The following CDC42 variants were observed in gnomAD, a reference collection of about 807,000 sequenced individuals.
CDC42 encodes cell division cycle 42, also known as cell division control protein 42 homolog.
Under a neutral mutation model 20.8 loss-of-function variants are expected in CDC42, and 1 was observed. The observed-to-expected ratio is 0.05, with a 90% CI of 0.02 to 0.23. CDC42 has a LOEUF of 0.23. Ranked by LOEUF, CDC42 falls within the 10% of genes least tolerant of loss-of-function variation. CDC42 has a pLI of 1.00. For missense variants in CDC42, 49 were observed against 227.9 expected, an observed-to-expected ratio of 0.21 and a Z score of 5.05; for synonymous variants, 72 against 84.8, an observed-to-expected ratio of 0.85 and a Z score of 0.83.
At position 22,079,695 on chromosome 1, in the gene CDC42, G is replaced by C. The variant is rs952060890; in HGVS notation, c.105+1112G>C. ...TAAATGGAAGACGTTTTGAGGTTCA[G>C]TGGACTTACAGGGGACATTTAGAGG... On this transcript the variant is annotated intron_variant, in intron 2 of 5. Transcript: ENST00000656825. 2.0e-5 allele frequency among the ~76,000 whole-genome samples: 3 copies of C among 152,314 alleles called. No individual in the cohort carries two copies. In the East Asian group the frequency reaches 5.8e-4, roughly 29 times the overall value.
chr1:22,057,019 A>G (rs1331200393), intron 1 of CDC42, among the ~76,000 whole-genome samples: 2 of 152,206 alleles, frequency 1.3e-5, no homozygotes, highest in Non-Finnish European at 2.9e-5. Context: ...CTTGATTGGT[A>G]TATTGCTACT....
In CDC42 at chr1:22,095,028, A is replaced by G. The variant is rs1189609895; in HGVS notation, c.*3511A>G. 1.3e-5 allele frequency among the ~76,000 whole-genome samples: 2 copies of G among 152,184 alleles called. No individual in the cohort carries two copies. The highest frequency in any genetic ancestry group is 6.5e-5 in the Admixed American group (1 of 15,290). On this transcript the variant is annotated 3_prime_UTR_variant, in exon 6 of 6. Coordinates refer to ENST00000656825, the MANE Select transcript of CDC42 (RefSeq NM_001791.4). Reference sequence around the variant, plus strand: ...GATTGAAACTTAGTCCTTGCTGGGTACAAATTTAGAAATTTGTTATATAAC... The same window carrying G: ...GATTGAAACTTAGTCCTTGCTGGGTGCAAATTTAGAAATTTGTTATATAAC...
chr1:22,062,764 A>G (rs1366592687), intron 1 of CDC42, among the ~76,000 whole-genome samples: 3 of 95,904 alleles, frequency 3.1e-5, no homozygotes, highest in Non-Finnish European at 6.4e-5. Context: ...AAAAAAAAAA[A>G]AGATTTTTTC....
chr1:22,061,961 C>T (rs981436826), intron 1 of CDC42, among the ~76,000 whole-genome samples: 2 of 150,342 alleles, frequency 1.3e-5, no homozygotes, highest in South Asian at 2.1e-4. Flanking sequence ...TTTTGGAGAA[C>T]GGATTCTTAC....
intron 1 of CDC42, among the ~76,000 whole-genome samples, chr1:22,062,608 G>T (rs1442282494): frequency 6.6e-6 from 1 of 151,366 alleles, no homozygotes; most frequent in African/African-American, 2.4e-5. Flanking sequence ...TTCTGATTGG[G>T]TATGGTGGCT....
intron 2 of CDC42, among the ~76,000 whole-genome samples, chr1:22,080,585 TATC>T (rs1049279160): frequency 1.3e-5 from 2 of 149,962 alleles, no homozygotes; most frequent in Non-Finnish European, 3.0e-5. Flanking sequence ...TTTTTATAGA[TATC>T]ATTTAATTTT....
chr1:22,076,402 G>C (rs563488135), intron 1 of CDC42, among the ~76,000 whole-genome samples: 1 of 152,098 alleles, frequency 6.6e-6, no homozygotes, highest in East Asian at 1.9e-4. Flanking sequence ...AGGTTGCAGT[G>C]AGCAGAGATC....
intron 5 of CDC42, among the ~76,000 whole-genome samples, chr1:22,089,037 C>A (rs1464608139): frequency 1.3e-5 from 2 of 152,088 alleles, no homozygotes; most frequent in South Asian, 4.2e-4. Flanking sequence ...TTGGCACTTA[C>A]AATTGGAGCT....
intron 1 of CDC42, among the ~76,000 whole-genome samples, chr1:22,077,025 A>G (rs1490435392): frequency 6.6e-6 from 1 of 151,944 alleles, no homozygotes; most frequent in East Asian, 1.9e-4. Context: ...GCATGGTGGC[A>G]TGCGTCTGTG....
intron 1 of CDC42, among the ~76,000 whole-genome samples, chr1:22,070,831 G>A (rs186915709): frequency 0.011 from 1,671 of 151,882 alleles, 29 homozygotes; most frequent in African/African-American, 0.038. Flanking sequence ...GTGAGGTCCC[G>A]TTCCAGCCAA....
At chr1:22,056,634 C>T (rs1343190076) in intron 1 of CDC42, among the ~76,000 whole-genome samples, 2 of 152,206 alleles carry the variant, frequency 1.3e-5, no homozygotes, top group African/African-American at 4.8e-5. Flanking sequence ...GCTACCTCTG[C>T]TGCTGCTGCT....
chr1:22,083,828 G>A (rs1645632683), intron 3 of CDC42, among the ~76,000 whole-genome samples: 1 of 152,114 alleles, frequency 6.6e-6, no homozygotes, highest in Non-Finnish European at 1.5e-5. Flanking sequence ...CTGGTTCCAG[G>A]CAACCACTGA....
intron 1 of CDC42, among the ~76,000 whole-genome samples, chr1:22,071,046 C>CCTT (rs1553194531): frequency 8.0e-6 from 1 of 125,312 alleles, no homozygotes; most frequent in Non-Finnish European, 1.6e-5. Context: ...TTTTTTCTTT[C>CCTT]TTTTTTTTTT....
At chr1:22,055,543 G>A (rs1400118493) in intron 1 of CDC42, among the ~76,000 whole-genome samples, 1 of 149,536 alleles carries the variant, frequency 6.7e-6, no homozygotes, top group East Asian at 2.0e-4. Flanking sequence ...AGGCTAGAGT[G>A]CAGTGGTGTG....
At chr1:22,064,388 G>T (rs887412427) in intron 1 of CDC42, among the ~76,000 whole-genome samples, 1 of 152,092 alleles carries the variant, frequency 6.6e-6, no homozygotes, top group African/African-American at 2.4e-5. Flanking sequence ...TGCCTCCTGG[G>T]TTCAAGGAGT....
intron 5 of CDC42, among the ~76,000 whole-genome samples, chr1:22,088,163 TTCC>T (rs1453141066): frequency 3.3e-5 from 5 of 152,240 alleles, no homozygotes; most frequent in African/African-American, 1.2e-4. Context: ...TTTAGTAACA[TTCC>T]CAGAAAAGTG....
intron 1 of CDC42, among the ~76,000 whole-genome samples, chr1:22,060,686 A>T (rs1645353329): frequency 6.6e-6 from 1 of 152,134 alleles, no homozygotes; most frequent in Non-Finnish European, 1.5e-5. Context: ...GGTTTCAGGG[A>T]TTTTCATTAC....
At chr1:22,075,558 A>G (rs1018406399) in intron 1 of CDC42, among the ~76,000 whole-genome samples, 7 of 152,192 alleles carry the variant, frequency 4.6e-5, no homozygotes, top group African/African-American at 1.7e-4. Flanking sequence ...TTCCTTTCTA[A>G]GAAGTTTGGA....
chr1:22,061,161 C>T (rs1645358327), intron 1 of CDC42, among the ~76,000 whole-genome samples: 1 of 152,136 alleles, frequency 6.6e-6, no homozygotes, highest in South Asian at 2.1e-4. Flanking sequence ...AATCCCAGCA[C>T]TTTGGGAGGC....
Sources: allele counts gnomAD v4.1 joint callset (sites outside exome capture counted in the v4.1 genomes callset), GRCh38; gene constraint gnomAD v4.1.1; transcripts MANE v1.5; gene names NCBI Gene and HGNC (gene_info 2026-07-23, HGNC 2026-07-21).